REEP5: variants seen among roughly 807,000 people sequenced by gnomAD.
REEP5 encodes receptor accessory protein 5.
Under a neutral mutation model 22.4 loss-of-function variants are expected in REEP5, and 24 were observed. That is an observed-to-expected ratio of 1.07 (90% CI 0.78 to 1.51). REEP5 has a LOEUF of 1.51. Ranked by LOEUF, REEP5 falls within the 40% of genes most tolerant of loss-of-function variation. The probability of loss-of-function intolerance (pLI) is 0.00; values close to 1 mark genes in which losing one functional copy is unlikely to be tolerated. For synonymous variants in REEP5, 103 were observed against 88.6 expected (o/e 1.16, Z -0.92); for missense variants, 252 against 233.0 (o/e 1.08, Z -0.53).
chr5:112,894,082 T>G (rs1163157068), intron 3 of REEP5: 1 of 152,138 alleles, frequency 6.6e-6, no homozygotes, highest in Non-Finnish European at 1.5e-5. Context: ...GTTATTTCCC[T>G]GTGGAAGCCT....
chr5:112,887,062 T>C lies in REEP5; in HGVS notation c.473A>G (p.Asp158Gly), dbSNP rs554126287. 6 of 1,613,558 alleles carry C rather than the reference T, an allele frequency of 3.7e-6. No individual in the cohort carries two copies. The South Asian group carries it at 6.6e-5, about 18-fold the overall frequency. ...HESQMDSVVK[D>G]LKDKAKETAD... ...AGTCTCTTTGGCCTTGTCTTTAAGG[T>C]CCTTGACCACACTGTCCATCTGGGA... Residue 158 changes from aspartate (D) to glycine (G), a missense_variant, in exon 4 of 5, where the codon GAC becomes GGC. Physicochemically the swap from Asp to Gly is moderately conservative, Grantham distance 94. Coordinates refer to ENST00000379638, the MANE Select transcript of REEP5 (RefSeq NM_005669.5).
intron 3 of REEP5, chr5:112,894,207 C>T (rs1051664748): frequency 6.6e-6 from 1 of 151,714 alleles, no homozygotes; most frequent in African/African-American, 2.4e-5. Flanking sequence ...GCAACCTCCG[C>T]CTCCCAGATT....
In REEP5 at chr5:112,878,691, A is replaced by C; in HGVS notation, c.*95T>G. The C allele has an allele frequency of 6.5e-7, 1 of 1,526,934 alleles. No homozygotes were observed. The highest frequency in any genetic ancestry group is 8.9e-7 in the Non-Finnish European group (1 of 1,126,434). 94.6% of individuals were successfully genotyped at this position (1,526,934 alleles called of 1,614,324 possible). A position where few individuals can be genotyped will look rare whatever the true frequency, so the allele number is the denominator to read the frequency against. On this transcript the variant is annotated 3_prime_UTR_variant, in exon 5 of 5. Transcript: ENST00000379638. ...AATATCTCAAAAATGTTTCCAAGGC[A>C]ACATTATTAAAATAATTATACCACA... is the stretch of plus-strand genomic sequence containing the variant.
At chr5:112,889,321 A>G (rs1406761780) in intron 3 of REEP5, among the ~76,000 whole-genome samples, 3 of 150,894 alleles carry the variant, frequency 2.0e-5, no homozygotes, top group Non-Finnish European at 4.4e-5. Context: ...AAACATACCT[A>G]CAACAAAACC....
intron 3 of REEP5, chr5:112,892,357 C>T (rs549770313): frequency 1.5e-5 from 24 of 1,613,986 alleles, no homozygotes; most frequent in South Asian, 2.2e-5. Flanking sequence ...AACCTACCAA[C>T]AGTTCCTAGA....
chr5:112,915,426 C>G (rs1769210431), intron 2 of REEP5, among the ~76,000 whole-genome samples: 1 of 152,186 alleles, frequency 6.6e-6, no homozygotes, highest in Admixed American at 6.5e-5. Context: ...AAAATAGTCA[C>G]AAGTTGTTAT....
rs889417238 is a variant in REEP5, at chr5:112,877,273, T to A, written c.*1513A>T. The A allele has an allele frequency of 2.0e-5, 3 of 152,190 alleles. No individual in the cohort carries two copies. The highest frequency in any genetic ancestry group is 4.4e-5 in the Non-Finnish European group (3 of 68,022). The allele number at this position is 152,190 out of a possible 1,614,324, so 9.4% of individuals were successfully genotyped here. A position where few individuals can be genotyped will look rare whatever the true frequency, so the allele number is the denominator to read the frequency against. On this transcript the variant is annotated 3_prime_UTR_variant, in exon 5 of 5. Coordinates refer to ENST00000379638, the MANE Select transcript of REEP5 (RefSeq NM_005669.5). ...GAGACATTGTTATGATCTTACCTGATTGTTATCTCAAGGTGAGCTAATCAT... is the reference window on the plus strand; with the variant it reads ...GAGACATTGTTATGATCTTACCTGAATGTTATCTCAAGGTGAGCTAATCAT...
chr5:112,892,574 G>A, intron 3 of REEP5: 1 of 1,614,144 alleles, frequency 6.2e-7, no homozygotes. Flanking sequence ...GTGACCCGGT[G>A]GAAAATGGCG....
intron 4 of REEP5, chr5:112,884,981 T>C (rs982251451): frequency 6.6e-6 from 1 of 152,124 alleles, no homozygotes; most frequent in Admixed American, 6.6e-5. Flanking sequence ...TAAATAAATA[T>C]TTATTGAGTG....
At chr5:112,879,079 CTTG>C (rs974144079) in intron 4 of REEP5, among the ~76,000 whole-genome samples, 3 of 152,090 alleles carry the variant, frequency 2.0e-5, no homozygotes, top group African/African-American at 4.8e-5. Flanking sequence ...AGCCTAGCCC[CTTG>C]TTGTGACAGT....
intron 4 of REEP5, among the ~76,000 whole-genome samples, chr5:112,883,017 C>A (rs1768125664): frequency 6.6e-6 from 1 of 152,244 alleles, no homozygotes; most frequent in Non-Finnish European, 1.5e-5. Context: ...GGATCCTTCA[C>A]TGGTCAAGGA....
intron 2 of REEP5, among the ~76,000 whole-genome samples, chr5:112,913,345 AAAAG>A (rs766554555): frequency 9.3e-4 from 139 of 148,678 alleles, no homozygotes; most frequent in Middle Eastern, 3.4e-3. Flanking sequence ...GAAAAGAAAG[AAAAG>A]AAAGAAAGAA....
chr5:112,893,091 TC>T, intron 3 of REEP5: 20 of 813,756 alleles, frequency 2.5e-5, no homozygotes, highest in South Asian at 1.1e-4. Flanking sequence ...CTAGTTTTGT[TC>T]TTAAAAAAAA....
intron 3 of REEP5, chr5:112,893,185 G>A (rs1447718391): frequency 5.8e-6 from 3 of 515,140 alleles, no homozygotes; most frequent in African/African-American, 2.0e-5. Flanking sequence ...TGAGGTGGGT[G>A]GATCACTTGA....
intron 3 of REEP5, chr5:112,896,527 C>CA (rs1313196535): frequency 2.0e-5 from 3 of 151,268 alleles, no homozygotes; most frequent in Admixed American, 6.6e-5. Flanking sequence ...AACTCCATCT[C>CA]AAAAAAAAGA....
intron 2 of REEP5, among the ~76,000 whole-genome samples, chr5:112,905,479 T>A (rs1232310495): frequency 6.6e-6 from 1 of 150,428 alleles, no homozygotes; most frequent in Non-Finnish European, 1.5e-5. Context: ...AGGCGGGGGT[T>A]GCAGTGAGCC....
intron 2 of REEP5, among the ~76,000 whole-genome samples, chr5:112,912,286 C>G (rs919889960): frequency 6.6e-6 from 1 of 152,124 alleles, no homozygotes; most frequent in Non-Finnish European, 1.5e-5. Context: ...TCATAAGTAA[C>G]TCAGTTGCTA....
intron 2 of REEP5, among the ~76,000 whole-genome samples, chr5:112,920,411 G>C (rs1006375742): frequency 5.9e-5 from 9 of 152,016 alleles, no homozygotes; most frequent in Admixed American, 5.9e-4. Context: ...AAGAACTGTA[G>C]AGCAAAACAA....
At chr5:112,880,074 T>G (rs1205559469) in intron 4 of REEP5, among the ~76,000 whole-genome samples, 1 of 152,172 alleles carries the variant, frequency 6.6e-6, no homozygotes, top group East Asian at 1.9e-4. Context: ...GAGAAGAGTT[T>G]GCTCTAAGTC....
Sources: allele counts gnomAD v4.1 joint callset (sites outside exome capture counted in the v4.1 genomes callset), GRCh38; gene constraint gnomAD v4.1.1; transcripts MANE v1.5; gene names NCBI Gene and HGNC (gene_info 2026-07-23, HGNC 2026-07-21).